The following CREB5 variants were observed in gnomAD, a reference collection of about 807,000 sequenced individuals.
CREB5 encodes cyclic AMP-responsive element-binding protein 5.
Under a neutral mutation model 57.1 loss-of-function variants are expected in CREB5, and 19 were observed. The observed-to-expected ratio is 0.33, with a 90% CI of 0.23 to 0.49. The LOEUF (loss-of-function observed/expected upper bound fraction) is 0.49. CREB5 is among the 20% of genes least tolerant of loss of function. The pLI, the probability that CREB5 is intolerant of heterozygous loss-of-function variation, is 0.99. For missense variants in CREB5, 579 were observed against 671.6 expected (o/e 0.86, Z 1.52); for synonymous variants, 238 against 238.3 (o/e 1.00, Z 0.01).
intron 1 of CREB5, among the ~76,000 whole-genome samples, chr7:28,451,627 G>A (rs1299940929): frequency 6.6e-6 from 1 of 152,104 alleles, no homozygotes; most frequent in Non-Finnish European, 1.5e-5. Flanking sequence ...ACATGTATGT[G>A]TATGTGTGTG....
intron 1 of CREB5, among the ~76,000 whole-genome samples, chr7:28,437,962 G>A (rs1166290172): frequency 6.6e-6 from 1 of 152,232 alleles, no homozygotes; most frequent in African/African-American, 2.4e-5. Flanking sequence ...ACAAACACCA[G>A]TCATTTATCC....
chr7:28,764,440 T>C (rs1249355103), intron 7 of CREB5, among the ~76,000 whole-genome samples: 1 of 152,066 alleles, frequency 6.6e-6, no homozygotes, highest in Non-Finnish European at 1.5e-5. Flanking sequence ...CACAACACTT[T>C]GCCAAGCTAT....
At chr7:28,533,929 G>A (rs1793846561) in intron 4 of CREB5, among the ~76,000 whole-genome samples, 1 of 152,090 alleles carries the variant, frequency 6.6e-6, no homozygotes. Flanking sequence ...AGAATGACAG[G>A]GCATATGCAG....
chr7:28,788,258 C>G (rs1427129208), intron 7 of CREB5, among the ~76,000 whole-genome samples: 1 of 152,076 alleles, frequency 6.6e-6, no homozygotes, highest in East Asian at 1.9e-4. Flanking sequence ...TCCTCCTCCC[C>G]CAAGTTGTGA....
chr7:28,572,992 G>A (rs1795762263), intron 5 of CREB5, among the ~76,000 whole-genome samples: 1 of 152,096 alleles, frequency 6.6e-6, no homozygotes, highest in Non-Finnish European at 1.5e-5. Context: ...TTCCTCCCTG[G>A]TGTGTTTGCC....
chr7:28,505,364 T>G (rs1792441431), intron 3 of CREB5, among the ~76,000 whole-genome samples: 1 of 152,226 alleles, frequency 6.6e-6, no homozygotes, highest in Non-Finnish European at 1.5e-5. Context: ...AGCTGTTACT[T>G]ATGTTCCCAT....
intron 7 of CREB5, among the ~76,000 whole-genome samples, chr7:28,751,198 T>G (rs2128763479): frequency 1.8e-5 from 2 of 109,756 alleles, no homozygotes; most frequent in African/African-American, 3.5e-5. Flanking sequence ...GAGCCAGGGG[T>G]GGGGGGTGGG....
chr7:28,355,389 C>T (rs1476073696), intron 1 of CREB5, among the ~76,000 whole-genome samples: 1 of 151,936 alleles, frequency 6.6e-6, no homozygotes. Flanking sequence ...GAGACACCCG[C>T]AGTCATAGTA....
chr7:28,453,680 A>G (rs760102361), intron 1 of CREB5, among the ~76,000 whole-genome samples: 1 of 152,226 alleles, frequency 6.6e-6, no homozygotes, highest in Non-Finnish European at 1.5e-5. Flanking sequence ...AAGAAACAAA[A>G]TGAAACACCC....
chr7:28,463,655 C>A (rs1384554735), intron 1 of CREB5, among the ~76,000 whole-genome samples: 1 of 152,130 alleles, frequency 6.6e-6, no homozygotes, highest in Non-Finnish European at 1.5e-5. Flanking sequence ...TTAGTCCCAA[C>A]AATTTTATAT....
chr7:28,413,147 G>C (rs1050158353), intron 1 of CREB5, among the ~76,000 whole-genome samples: 2 of 148,470 alleles, frequency 1.3e-5, no homozygotes, highest in Non-Finnish European at 3.0e-5. Context: ...TTATTTCCCA[G>C]GTAAAATATG....
intron 5 of CREB5, among the ~76,000 whole-genome samples, chr7:28,595,029 G>A (rs1428399187): frequency 6.6e-6 from 1 of 152,072 alleles, no homozygotes; most frequent in Non-Finnish European, 1.5e-5. Context: ...TTGAATATTT[G>A]TTGAGCCCTC....
chr7:28,760,608 C>CA (rs1209864196), intron 7 of CREB5, among the ~76,000 whole-genome samples: 2 of 152,008 alleles, frequency 1.3e-5, no homozygotes, highest in Non-Finnish European at 2.9e-5. Flanking sequence ...TTTTGCCACA[C>CA]ACAAAAACCT....
intron 5 of CREB5, among the ~76,000 whole-genome samples, chr7:28,692,186 C>CCA (rs1326950086): frequency 6.9e-6 from 1 of 145,532 alleles, no homozygotes; most frequent in African/African-American, 2.5e-5. Flanking sequence ...ACTCCGTCTC[C>CCA]AAAAAAAAAA....
chr7:28,469,879 C>G (rs965224209), intron 1 of CREB5, among the ~76,000 whole-genome samples: 3 of 152,086 alleles, frequency 2.0e-5, no homozygotes, highest in African/African-American at 7.2e-5. Context: ...AGATTTGAAC[C>G]CATGTACTCT....
chr7:28,730,349 A>C (rs555143809), intron 7 of CREB5, among the ~76,000 whole-genome samples: 4 of 130,100 alleles, frequency 3.1e-5, no homozygotes, highest in Non-Finnish European at 5.0e-5. Context: ...CACCACACCC[A>C]GATAATTTTT....
chr7:28,597,748 A>G (rs912697304), intron 5 of CREB5, among the ~76,000 whole-genome samples: 62 of 152,274 alleles, frequency 4.1e-4, no homozygotes, highest in African/African-American at 1.5e-3. Context: ...GCTTAGCTGA[A>G]TCTTTCTGGG....
intron 3 of CREB5, among the ~76,000 whole-genome samples, chr7:28,504,531 A>T (rs555689719): frequency 2.9e-4 from 44 of 152,242 alleles, no homozygotes; most frequent in Non-Finnish European, 5.4e-4. Flanking sequence ...CTGTTCTTTT[A>T]GTGCTTCAAC....
In CREB5 at chr7:28,756,719, G is replaced by A. The variant is rs183955118; in HGVS notation, c.702+32387G>A. ...GACTACCACTGGTGCTCTCCAAAGC[G>A]GCCCTCTCCTCAAGCACCATATTGG... On this transcript the variant is annotated intron_variant, in intron 7 of 10. Transcript: ENST00000357727. 2.6e-3 allele frequency among the ~76,000 whole-genome samples: 395 copies of A among 152,134 alleles called. 3 individuals carry two copies. The highest frequency in any genetic ancestry group is 4.5e-3 in the Admixed American group (69 of 15,278).
Sources: allele counts gnomAD v4.1 joint callset (sites outside exome capture counted in the v4.1 genomes callset), GRCh38; gene constraint gnomAD v4.1.1; transcripts MANE v1.5; gene names NCBI Gene and HGNC (gene_info 2026-07-23, HGNC 2026-07-21).